TMEM72: variants seen among roughly 807,000 people sequenced by gnomAD.
TMEM72 encodes kidney-specific secretory protein of 37 kDa.
TMEM72 carries 9 observed loss-of-function variants against 16.3 expected under a neutral mutation model. The ratio of observed to expected loss-of-function variants is 0.55; its 90% CI spans 0.33 to 0.96. The LOEUF (loss-of-function observed/expected upper bound fraction) is 0.96. TMEM72 is among the 40% of genes least tolerant of loss of function. The probability of loss-of-function intolerance (pLI) is 0.03; values close to 1 mark genes in which losing one functional copy is unlikely to be tolerated. For synonymous variants in TMEM72, 160 were observed against 146.5 expected, an observed-to-expected ratio of 1.09 and a Z score of -0.66; for missense variants, 324 against 337.8, an observed-to-expected ratio of 0.96 and a Z score of 0.32.
At chr10:44,923,353 CTCTT>C (rs1185480735) in intron 1 of TMEM72, 1 of 152,070 alleles carries the variant, frequency 6.6e-6, no homozygotes, top group Non-Finnish European at 1.5e-5. Flanking sequence ...CTTCCTTTCT[CTCTT>C]TCTCTCTCTC....
chr10:44,924,666 C>T (rs1027715143), intron 1 of TMEM72, among the ~76,000 whole-genome samples: 25 of 152,248 alleles, frequency 1.6e-4, no homozygotes, highest in Non-Finnish European at 1.0e-4. Flanking sequence ...TCCAGGAACA[C>T]GAACCCCAAA....
At chr10:44,912,092 C>T (rs927962045) in intron 1 of TMEM72, among the ~76,000 whole-genome samples, 1 of 152,220 alleles carries the variant, frequency 6.6e-6, no homozygotes, top group Non-Finnish European at 1.5e-5. Context: ...TCACAGGCTT[C>T]CCTCGGGCCC....
intron 1 of TMEM72, among the ~76,000 whole-genome samples, chr10:44,912,198 C>T (rs1030910055): frequency 3.3e-5 from 5 of 152,160 alleles, no homozygotes; most frequent in African/African-American, 7.2e-5. Flanking sequence ...AGCAGAGATG[C>T]TTCCCAGAGA....
Position 44,933,691 on chromosome 10 carries a change from C to A in TMEM72, c.264C>A (p.Gly88=). The part of the protein sequence containing the change: ...DRVREKAHWL[G]CFQKFLAYLL... ...TAAGGGAGAAAGCCCACTGGCTGGGCTGCTTCCAGAAGTTCCTGGCCTACC... is the reference window on the plus strand; with the variant it reads ...TAAGGGAGAAAGCCCACTGGCTGGGATGCTTCCAGAAGTTCCTGGCCTACC... Residue 88 remains glycine (G), a synonymous_variant, in exon 4 of 5, where the codon GGC becomes GGA. Coordinates refer to ENST00000389583, the MANE Select transcript of TMEM72 (RefSeq NM_001123376.3). 1 of 1,614,154 alleles carries A rather than the reference C, an allele frequency of 6.2e-7. No individual in the cohort carries two copies. Among genetic ancestry groups the A allele is most frequent in the Non-Finnish European group, 8.5e-7 (1 of 1,180,010 alleles).
intron 1 of TMEM72, among the ~76,000 whole-genome samples, chr10:44,917,175 T>G (rs376352208): frequency 9.9e-5 from 15 of 152,086 alleles, no homozygotes; most frequent in African/African-American, 3.6e-4. Flanking sequence ...GTTTGGGAGG[T>G]GGGTCTGTGT....
chr10:44,919,530 A>G (rs1840061433), intron 1 of TMEM72, among the ~76,000 whole-genome samples: 1 of 152,234 alleles, frequency 6.6e-6, no homozygotes, highest in African/African-American at 2.4e-5. Context: ...AAAAATACAA[A>G]TTATAATAGC....
chr10:44,933,606 C>T (rs368174297), intron 3 of TMEM72, 31 bp from the exon 4 acceptor site: 77 of 1,598,188 alleles, frequency 4.8e-5, no homozygotes, highest in Non-Finnish European at 6.5e-5. Flanking sequence ...TCCTGGGACA[C>T]ATTATGCTAA....
chr10:44,921,105 C>CCTGAGAGAAGA (rs1200190727), intron 1 of TMEM72, among the ~76,000 whole-genome samples: 5 of 152,172 alleles, frequency 3.3e-5, no homozygotes, highest in African/African-American at 1.2e-4. Context: ...GTTCTTGTAC[C>CCTGAGAGAAGA]AAGGTTGGAT....
At chr10:44,934,344 A>G (rs1840356426) in intron 4 of TMEM72, among the ~76,000 whole-genome samples, 1 of 152,028 alleles carries the variant, frequency 6.6e-6, no homozygotes, top group African/African-American at 2.4e-5. Flanking sequence ...TCTGCTCCCT[A>G]TCTGTGAAAA....
intron 3 of TMEM72, among the ~76,000 whole-genome samples, chr10:44,932,398 G>A (rs1413858296): frequency 6.6e-6 from 1 of 152,212 alleles, no homozygotes; most frequent in Non-Finnish European, 1.5e-5. Context: ...TCTGCCATGG[G>A]GTGAGGACCC....
chr10:44,933,154 C>G (rs1484211895), intron 3 of TMEM72, among the ~76,000 whole-genome samples: 1 of 152,210 alleles, frequency 6.6e-6, no homozygotes, highest in East Asian at 1.9e-4. Flanking sequence ...GAAAAGAAGC[C>G]CTTCTGGGCC....
intron 1 of TMEM72, among the ~76,000 whole-genome samples, chr10:44,921,874 C>A (rs1840104936): frequency 6.6e-6 from 1 of 152,246 alleles, no homozygotes; most frequent in Admixed American, 6.5e-5. Context: ...GGAGGGAGTA[C>A]CACCTTGGGC....
intron 2 of TMEM72, among the ~76,000 whole-genome samples, chr10:44,931,470 G>C (rs535692972): frequency 3.3e-5 from 5 of 152,298 alleles, no homozygotes; most frequent in Non-Finnish European, 5.9e-5. Context: ...AGACAGGCCT[G>C]GGGTAAGTGA....
chr10:44,915,171 C>T (rs1213399139), intron 1 of TMEM72, among the ~76,000 whole-genome samples: 1 of 152,220 alleles, frequency 6.6e-6, no homozygotes, highest in Non-Finnish European at 1.5e-5. Context: ...TCCCAATTTC[C>T]CTCAGAGCAA....
chr10:44,930,537 C>T (rs1385333763), intron 2 of TMEM72, among the ~76,000 whole-genome samples: 1 of 152,078 alleles, frequency 6.6e-6, no homozygotes, highest in Non-Finnish European at 1.5e-5. Flanking sequence ...AAAATTGTTG[C>T]AAGGACTAAA....
chr10:44,916,343 T>C (rs1267378979), intron 1 of TMEM72, among the ~76,000 whole-genome samples: 2 of 152,182 alleles, frequency 1.3e-5, no homozygotes, highest in African/African-American at 4.8e-5. Context: ...CTCTATATAA[T>C]GGACACAGCC....
chr10:44,928,004 G>A lies in TMEM72; in HGVS notation c.137+17G>A. 6 of 1,612,874 alleles carry A rather than the reference G, an allele frequency of 3.7e-6. No homozygotes were observed. The South Asian group carries it at 4.4e-5, about 12-fold the overall frequency. ...CTATCTGCTGTGAGTATGTGTGCATGTGCCACTTTTGACCTGCAAGTTCTG... is the reference window on the plus strand; with the variant it reads ...CTATCTGCTGTGAGTATGTGTGCATATGCCACTTTTGACCTGCAAGTTCTG... On this transcript the variant is annotated intron_variant, in intron 2 of 4. Coordinates refer to ENST00000389583, the MANE Select transcript of TMEM72 (RefSeq NM_001123376.3).
At chr10:44,928,021 C>T (rs1270072570) in intron 2 of TMEM72, 34 bp downstream of exon 2, 1 of 1,609,006 alleles carries the variant, frequency 6.2e-7, no homozygotes. Context: ...TTTTGACCTG[C>T]AAGTTCTGCT....
At chr10:44,913,552 G>C (rs1357403435) in intron 1 of TMEM72, among the ~76,000 whole-genome samples, 1 of 152,146 alleles carries the variant, frequency 6.6e-6, no homozygotes, top group Non-Finnish European at 1.5e-5. Flanking sequence ...TGTTAATGCT[G>C]AGAATGGGCC....
Sources: gnomAD v4.1 joint callset for allele counts (sites outside exome capture counted in the v4.1 genomes callset) on GRCh38, gnomAD v4.1.1 for gene constraint, MANE v1.5 for transcripts, NCBI Gene and HGNC (gene_info 2026-07-23, HGNC 2026-07-21) for gene names.